Variants in PIEZO1 observed in about 807,000 individuals in gnomAD.
The protein encoded by PIEZO1 is piezo type mechanosensitive ion channel component 1 (Er blood group), also known as piezo-type mechanosensitive ion channel component 1.
In PIEZO1, 296 loss-of-function variants were observed where a neutral mutation model predicts 297.2. The observed-to-expected ratio is 1.00, with a 90% CI of 0.91 to 1.10. PIEZO1 has a LOEUF of 1.10. Among genes scored for constraint, PIEZO1 ranks in the 50% least tolerant of loss-of-function variants. The pLI is 0.00. For missense variants in PIEZO1, 5,018 were observed against 3,455.5 expected, an observed-to-expected ratio of 1.45 and a Z score of -11.34; for synonymous variants, 2,427 against 1,507.5, an observed-to-expected ratio of 1.61 and a Z score of -14.13.
At position 88,737,663 on chromosome 16, in the gene PIEZO1, C is replaced by T; in HGVS notation, c.1108-17G>A. ...CACCACGTGCTGTGGGCAAGCAGCG[C>T]TGAGCCATGCACGGGCTGGCCGGGC... On this transcript the variant is annotated splice_polypyrimidine_tract_variant and intron_variant, in intron 9 of 50. Transcript: ENST00000301015. 3.3e-6 allele frequency: 5 copies of T among 1,533,918 alleles called. No individual in the cohort carries two copies. The highest frequency in any genetic ancestry group is 4.4e-6 in the Non-Finnish European group (5 of 1,145,418).
In PIEZO1 at chr16:88,749,038, C is replaced by T. The variant is rs954332647; in HGVS notation, c.160+346G>A. The stretch of plus-strand genomic sequence containing the variant: ...GGATCACAAGGTCAGGAGATCGAGA[C>T]CATCCTGGCTATCACGGTGAAACCC... On this transcript the variant is annotated intron_variant, in intron 2 of 50. Coordinates refer to ENST00000301015, the MANE Select transcript of PIEZO1 (RefSeq NM_001142864.4). Among the ~76,000 whole-genome samples the T allele has an allele frequency of 4.6e-5, 7 of 151,018 alleles. No homozygotes were observed. In the East Asian group the frequency reaches 9.8e-4, roughly 21 times the overall value.
chr16:88,736,024 G>C, intron 12 of PIEZO1, 124 bp downstream of exon 12: 1 of 976,000 alleles, frequency 1.0e-6, no homozygotes, highest in Non-Finnish European at 1.5e-6. Context: ...GGCAGAAGGG[G>C]ACAGACAGAC....
chr16:88,753,295 GGC>G, intron 1 of PIEZO1, among the ~76,000 whole-genome samples: 1 of 38,896 alleles, frequency 2.6e-5, no homozygotes, highest in Non-Finnish European at 4.6e-5. Context: ...GAGCGTACCC[GGC>G]CCCCCGCAGC....
chr16:88,726,366 G>T lies in PIEZO1; in HGVS notation c.3886C>A (p.Leu1296Met). 6.4e-7 allele frequency: 1 copy of T among 1,550,440 alleles called. No homozygotes were observed. Among genetic ancestry groups the T allele is most frequent in the Non-Finnish European group, 8.7e-7 (1 of 1,146,916 alleles). ...IWDSVCFFFL[L>M]LQRRVFLSHY... ...CTAAGGAAGACGCGGCGCTGCAGCAGCAGGAAGAAGAAGCAGACGCTGTCC... is the reference window on the plus strand; with the variant it reads ...CTAAGGAAGACGCGGCGCTGCAGCATCAGGAAGAAGAAGCAGACGCTGTCC... Residue 1296 changes from leucine (L) to methionine (M), a missense_variant, in exon 27 of 51, where the codon CTG (leucine) becomes ATG (methionine). Physicochemically the swap from Leu to Met is conservative, Grantham distance 15. Coordinates refer to ENST00000301015, the MANE Select transcript of PIEZO1 (RefSeq NM_001142864.4).
At chr16:88,720,047 G>A (rs1256564754) in intron 42 of PIEZO1, 22 bp downstream of exon 42, 2 of 1,549,576 alleles carry the variant, frequency 1.3e-6, no homozygotes, top group Middle Eastern at 1.7e-4. Flanking sequence ...TGGAGACCGA[G>A]CGCCCCCACG....
intron 1 of PIEZO1, among the ~76,000 whole-genome samples, chr16:88,763,942 C>A (rs1406282366): frequency 6.6e-6 from 1 of 152,162 alleles, no homozygotes. Flanking sequence ...CACACAGGGT[C>A]GGCACGCAGG....
intron 2 of PIEZO1, among the ~76,000 whole-genome samples, chr16:88,747,029 C>G (rs1372854805): frequency 6.6e-6 from 1 of 152,174 alleles, no homozygotes; most frequent in Non-Finnish European, 1.5e-5. Context: ...TGGGCCCCTC[C>G]CAAAATGCCT....
rs1307643513 is a variant in PIEZO1 at position 88,716,194 on chromosome 16, T to G, written c.7129+4A>C. 1 of 1,502,500 alleles carries G rather than the reference T, an allele frequency of 6.7e-7. No individual in the cohort carries two copies. The highest frequency in any genetic ancestry group is 1.3e-5 in the South Asian group (1 of 76,524). 93.1% of individuals were successfully genotyped at this position (1,502,500 alleles called of 1,614,324 possible). Reference sequence around the variant, plus strand: ...CCTCCCCCAACCCCCACGCCCATACTCACTGGGCTGCAGCTGCTTCACAGG... The same window carrying G: ...CCTCCCCCAACCCCCACGCCCATACGCACTGGGCTGCAGCTGCTTCACAGG... On this transcript the variant is annotated splice_donor_region_variant and intron_variant, in intron 49 of 50. Transcript: ENST00000301015.
At chr16:88,757,319 C>CGGGGGGGGG (rs1221139366) in intron 1 of PIEZO1, among the ~76,000 whole-genome samples, 1 of 10,238 alleles carries the variant, frequency 9.8e-5, no homozygotes, top group Non-Finnish European at 1.9e-4. Flanking sequence ...GCGTTGCTGG[C>CGGGGGGGGG]GGGGGGGTGG....
At position 88,725,648 on chromosome 16, in the gene PIEZO1, G is replaced by C; in HGVS notation, c.4005C>G (p.Ser1335Arg). ...FALYNAANLK[S>R]IDFHRRIEEK... ...CCTCTATCCTGCGGTGAAAGTCAAT[G>C]CTCTTGAGGTTGGCAGCGTTGTAGA... The change falls in exon 28 of 51, where the codon AGC (serine) becomes AGG (arginine). Residue 1335 changes from serine (S) to arginine (R), a missense_variant. Ser to Arg is a moderately radical substitution (Grantham distance 110). Transcript: ENST00000301015. 6.5e-7 allele frequency: 1 copy of C among 1,549,320 alleles called. No individual in the cohort carries two copies. Among genetic ancestry groups the C allele is most frequent in the Middle Eastern group, 1.7e-4 (1 of 5,984 alleles).
chr16:88,725,770 C>G, intron 27 of PIEZO1, 86 bp from the exon 28 acceptor site: 1 of 739,826 alleles, frequency 1.4e-6, no homozygotes, highest in Non-Finnish European at 2.4e-6. Context: ...CAGCCCGGGA[C>G]AGCTCAGCCT....
intron 22 of PIEZO1, among the ~76,000 whole-genome samples, chr16:88,728,327 T>G (rs1431905677): frequency 4.6e-5 from 7 of 152,188 alleles, no homozygotes; most frequent in African/African-American, 1.7e-4. Flanking sequence ...TGGATGTGAC[T>G]CCACGCATCT....
intron 1 of PIEZO1, among the ~76,000 whole-genome samples, chr16:88,784,486 G>T (rs1908083554): frequency 1.4e-5 from 2 of 146,100 alleles, no homozygotes; most frequent in African/African-American, 2.5e-5. Context: ...ATGCAACTTT[G>T]CGCTTTTTTT....
chr16:88,771,005 C>T (rs1288619126), intron 1 of PIEZO1, among the ~76,000 whole-genome samples: 1 of 152,112 alleles, frequency 6.6e-6, no homozygotes, highest in Admixed American at 6.5e-5. Flanking sequence ...CAGGCGGGGC[C>T]TGGGCGGAGC....
Position 88,738,221 on chromosome 16 carries a change from C to A in PIEZO1, c.848+6G>T, listed in dbSNP as rs747704297. ...AGGAAAAAGGGGCTGTGTGGCAAGC[C>A]GTTACCTAGCCCAGATGCCGGCAGG... On this transcript the variant is annotated splice_donor_region_variant and intron_variant, in intron 7 of 50. Transcript: ENST00000301015. The A allele has an allele frequency of 1.3e-6, 2 of 1,535,192 alleles. No homozygotes were observed.
At position 88,726,376 on chromosome 16, in the gene PIEZO1, G is replaced by A. The variant is rs371706032; in HGVS notation, c.3876C>T (p.Phe1292=). ...CGCGGCGCTGCAGCAGCAGGAAGAAGAAGCAGACGCTGTCCCAGATGATGC... is the reference window on the plus strand; with the variant it reads ...CGCGGCGCTGCAGCAGCAGGAAGAAAAAGCAGACGCTGTCCCAGATGATGC... The part of the protein sequence containing the change: ...EAGIIWDSVC[F]FFLLLQRRVF... Residue 1292 remains phenylalanine (F), a synonymous_variant, in exon 27 of 51, where the codon TTC becomes TTT. Coordinates refer to ENST00000301015, the MANE Select transcript of PIEZO1 (RefSeq NM_001142864.4). 11 of 1,550,502 alleles carry A rather than the reference G, an allele frequency of 7.1e-6. No homozygotes were observed. Among genetic ancestry groups the A allele is most frequent in the South Asian group, 2.4e-5 (2 of 84,064 alleles).
chr16:88,732,004 C>G (rs1904878193), intron 21 of PIEZO1, 94 bp from the exon 22 acceptor site: 1 of 8,352 alleles, frequency 1.2e-4, no homozygotes, highest in South Asian at 2.4e-3. Flanking sequence ...TTGCAGCAGC[C>G]CTGCCTGGAG....
Position 88,721,838 on chromosome 16 carries a change from G to C in PIEZO1, c.5184C>G (p.Arg1728=). ...AMLSIPRPSK[R]FWMTAIVFTE... The stretch of plus-strand genomic sequence containing the variant: ...TGAAGACGATGGCCGTCATCCAGAA[G>C]CGCTTGCTGGGCCTCGGGATCGACA... Residue 1728 remains arginine, a synonymous_variant, in exon 37 of 51, where the codon CGC becomes CGG. Coordinates refer to ENST00000301015, the MANE Select transcript of PIEZO1 (RefSeq NM_001142864.4). 6.5e-7 allele frequency: 1 copy of C among 1,548,706 alleles called. No individual in the cohort carries two copies. Among genetic ancestry groups the C allele is most frequent in the South Asian group, 1.2e-5 (1 of 84,042 alleles).
chr16:88,716,556 A>C lies in PIEZO1; in HGVS notation c.6926+3T>G, dbSNP rs745394304. Reference sequence around the variant, plus strand: ...CAGGCACTGCCCCAAGTCCAGGACGAACCTCTGGAAGTTCCAGGTGAAGCG... The same window carrying C: ...CAGGCACTGCCCCAAGTCCAGGACGCACCTCTGGAAGTTCCAGGTGAAGCG... On this transcript the variant is annotated splice_donor_region_variant and intron_variant, in intron 47 of 50. Transcript: ENST00000301015. 5.2e-6 allele frequency: 8 copies of C among 1,541,690 alleles called. No homozygotes were observed. The highest frequency in any genetic ancestry group is 7.0e-6 in the Non-Finnish European group (8 of 1,141,186).
Sources: gnomAD v4.1 joint callset for allele counts (sites outside exome capture counted in the v4.1 genomes callset) on GRCh38, gnomAD v4.1.1 for gene constraint, MANE v1.5 for transcripts, NCBI Gene and HGNC (gene_info 2026-07-23, HGNC 2026-07-21) for gene names.